Variants in NRXN1 observed in about 807,000 individuals in gnomAD.
NRXN1 encodes neurexin-1.
In NRXN1, 39 loss-of-function variants were observed where a neutral mutation model predicts 150.9. That is an observed-to-expected ratio of 0.26 (90% confidence interval 0.20 to 0.34). The LOEUF (loss-of-function observed/expected upper bound fraction) is 0.34, where lower values mean the gene tolerates loss of function less well. NRXN1 is among the 10% of genes least tolerant of loss of function. NRXN1 has a pLI of 1.00. For synonymous variants in NRXN1, 924 were observed against 757.0 expected, an observed-to-expected ratio of 1.22 and a Z score of -3.62; for missense variants, 1,815 against 1,949.9, an observed-to-expected ratio of 0.93 and a Z score of 1.30.
At chr2:50,263,545 T>C (rs979180428) in intron 17 of NRXN1, among the ~76,000 whole-genome samples, 1 of 152,092 alleles carries the variant, frequency 6.6e-6, no homozygotes, top group African/African-American at 2.4e-5. Flanking sequence ...TTAATTACAG[T>C]TGGTCATTAA....
chr2:50,306,157 T>C (rs971509064), intron 17 of NRXN1, among the ~76,000 whole-genome samples: 1 of 152,216 alleles, frequency 6.6e-6, no homozygotes, highest in Non-Finnish European at 1.5e-5. Context: ...GATTAATCTA[T>C]TGGGGAGTTA....
Position 50,241,755 on chromosome 2 carries a change from A to T in NRXN1, c.3365-4785T>A, listed in dbSNP as rs563510630. Among the ~76,000 whole-genome samples, 238 of 151,930 alleles carry T rather than the reference A, an allele frequency of 1.6e-3. 1 individual carries two copies. Among genetic ancestry groups the T allele is most frequent in the Admixed American group, 2.8e-3 (43 of 15,192 alleles). On this transcript the variant is annotated intron_variant, in intron 17 of 22. Coordinates refer to ENST00000401669, the MANE Select transcript of NRXN1 (RefSeq NM_001330078.2). ...GGAATATTTTTAGATCTTATTGAAC[A>T]TGCTATTTACATATAGGGCTCTCTC...
chr2:50,266,497 TTTAG>T (rs1370492680), intron 17 of NRXN1, among the ~76,000 whole-genome samples: 3 of 147,600 alleles, frequency 2.0e-5, no homozygotes, highest in African/African-American at 7.4e-5. Context: ...TTTTTATATA[TTTAG>T]TTACATATAA....
intron 18 of NRXN1, among the ~76,000 whole-genome samples, chr2:50,184,367 G>C (rs6545154): frequency 2.0e-5 from 3 of 151,922 alleles, no homozygotes; most frequent in Admixed American, 1.3e-4. Flanking sequence ...CTCAGTCATT[G>C]AGAAAAGTAC....
intron 18 of NRXN1, chr2:50,105,424 A>C (rs1288839409): frequency 6.6e-6 from 1 of 151,982 alleles, no homozygotes; most frequent in Non-Finnish European, 1.5e-5. Context: ...AGAGAGGAAC[A>C]CTCAGAGAAA....
intron 5 of NRXN1, among the ~76,000 whole-genome samples, chr2:50,897,267 A>G (rs566306430): frequency 1.3e-5 from 2 of 152,226 alleles, no homozygotes; most frequent in Non-Finnish European, 2.9e-5. Context: ...TTAATGCCAA[A>G]CGTCGTACTG....
chr2:50,981,835 GTGTGTGTA>G (rs1265236984), intron 2 of NRXN1, among the ~76,000 whole-genome samples: 1 of 146,994 alleles, frequency 6.8e-6, no homozygotes, highest in Non-Finnish European at 1.5e-5. Flanking sequence ...GTGTGTGTGT[GTGTGTGTA>G]TGTGTGTGTG....
chr2:50,772,070 G>T (rs1046656026), intron 5 of NRXN1, among the ~76,000 whole-genome samples: 1 of 151,996 alleles, frequency 6.6e-6, no homozygotes, highest in African/African-American at 2.4e-5. Context: ...CAGGTGACTG[G>T]AGTACTGCCT....
At chr2:50,678,511 C>T (rs1320201915) in intron 5 of NRXN1, among the ~76,000 whole-genome samples, 1 of 152,164 alleles carries the variant, frequency 6.6e-6, no homozygotes, top group Non-Finnish European at 1.5e-5. Flanking sequence ...AGAATCAACT[C>T]TTACAAGTCT....
At chr2:51,000,199 T>C (rs879942191) in intron 2 of NRXN1, among the ~76,000 whole-genome samples, 1 of 151,996 alleles carries the variant, frequency 6.6e-6, no homozygotes, top group Non-Finnish European at 1.5e-5. Context: ...TTTGTTGTGT[T>C]TGCTCAAATG....
chr2:50,509,776 A>G (rs181433108), intron 12 of NRXN1, among the ~76,000 whole-genome samples: 139 of 152,290 alleles, frequency 9.1e-4, no homozygotes, highest in African/African-American at 2.9e-3. Context: ...AGTTGTGCCA[A>G]CGTCTTTCTC....
At chr2:50,516,443 G>A (rs2092632843) in intron 12 of NRXN1, among the ~76,000 whole-genome samples, 1 of 152,108 alleles carries the variant, frequency 6.6e-6, no homozygotes, top group African/African-American at 2.4e-5. Context: ...CAAGGCTGGA[G>A]GCAAAATTCT....
intron 18 of NRXN1, among the ~76,000 whole-genome samples, chr2:50,195,536 C>G (rs2061704282): frequency 6.6e-6 from 1 of 152,074 alleles, no homozygotes; most frequent in South Asian, 2.1e-4. Context: ...TAATGAGAAG[C>G]AATAATCTCT....
At chr2:50,407,388 T>G (rs1289458813) in intron 17 of NRXN1, among the ~76,000 whole-genome samples, 1 of 152,170 alleles carries the variant, frequency 6.6e-6, no homozygotes, top group African/African-American at 2.4e-5. Context: ...TCTCTGCATA[T>G]GTAAACTACC....
At chr2:51,026,191 G>C (rs1670431068) in intron 2 of NRXN1, among the ~76,000 whole-genome samples, 1 of 152,184 alleles carries the variant, frequency 6.6e-6, no homozygotes, top group Non-Finnish European at 1.5e-5. Flanking sequence ...GCCACACAGA[G>C]CTTTTGTCCC....
intron 21 of NRXN1, among the ~76,000 whole-genome samples, chr2:50,040,760 T>TA (rs139383907): frequency 6.6e-6 from 1 of 152,320 alleles, no homozygotes; most frequent in African/African-American, 2.4e-5. Flanking sequence ...AGTAATCTGT[T>TA]ACTAGTTTCA....
At chr2:49,987,706 CCTAA>C (rs1681165819) in intron 21 of NRXN1, among the ~76,000 whole-genome samples, 1 of 151,222 alleles carries the variant, frequency 6.6e-6, no homozygotes, top group Non-Finnish European at 1.5e-5. Flanking sequence ...CAACATTCTA[CCTAA>C]ATAGAAGGAT....
At chr2:50,508,299 C>T (rs1330852015) in intron 12 of NRXN1, among the ~76,000 whole-genome samples, 2 of 151,796 alleles carry the variant, frequency 1.3e-5, no homozygotes, top group Non-Finnish European at 2.9e-5. Flanking sequence ...GAATTTAAAA[C>T]TATTCTAGAT....
chr2:50,366,061 C>T (rs1360188849), intron 17 of NRXN1, among the ~76,000 whole-genome samples: 1 of 150,912 alleles, frequency 6.6e-6, no homozygotes, highest in Non-Finnish European at 1.5e-5. Flanking sequence ...TACTTTCACC[C>T]AACATAAATT....
Sources: allele counts gnomAD v4.1 joint callset (sites outside exome capture counted in the v4.1 genomes callset), GRCh38; gene constraint gnomAD v4.1.1; transcripts MANE v1.5; gene names NCBI Gene and HGNC (gene_info 2026-07-23, HGNC 2026-07-21).